The following HECW2 variants were observed in gnomAD, a reference collection of about 807,000 sequenced individuals.
HECW2 encodes the protein E3 ubiquitin-protein ligase HECW2.
Under a neutral mutation model 175.2 loss-of-function variants are expected in HECW2, and 61 were observed. The observed-to-expected ratio is 0.35, with a 90% confidence interval of 0.28 to 0.43. The LOEUF (loss-of-function observed/expected upper bound fraction) is 0.43. Ranked by LOEUF, HECW2 falls within the 20% of genes least tolerant of loss-of-function variation. The pLI is 1.00. For synonymous variants in HECW2, 671 were observed against 731.0 expected (o/e 0.92, Z 1.32); for missense variants, 1,524 against 2,000.5 (o/e 0.76, Z 4.54).
intron 1 of HECW2, among the ~76,000 whole-genome samples, chr2:196,558,723 T>C (rs185875930): frequency 6.6e-6 from 1 of 152,358 alleles, no homozygotes; most frequent in African/African-American, 2.4e-5. Context: ...ATCTGCCAGG[T>C]TGACAGCATT....
intron 2 of HECW2, among the ~76,000 whole-genome samples, chr2:196,395,568 A>G (rs1240539163): frequency 1.3e-5 from 2 of 152,138 alleles, no homozygotes; most frequent in East Asian, 3.9e-4. Flanking sequence ...CTTAATAGAC[A>G]TTTCTCCAAA....
chr2:196,198,808 G>T lies in HECW2; in HGVS notation c.*2469C>A, dbSNP rs1049909160. ...TTATATAGTTATTACTGGCTGTTTTGTTTTACTAAGAAAGAATAATAGATA... is the reference window on the plus strand; with the variant it reads ...TTATATAGTTATTACTGGCTGTTTTTTTTTACTAAGAAAGAATAATAGATA... On this transcript the variant is annotated 3_prime_UTR_variant, in exon 29 of 29. Coordinates refer to ENST00000644978, the MANE Select transcript of HECW2 (RefSeq NM_001348768.2). 2.0e-5 allele frequency: 3 copies of T among 152,084 alleles called. No homozygotes were observed. The highest frequency in any genetic ancestry group is 4.4e-5 in the Non-Finnish European group (3 of 68,012). The allele number at this position is 152,084 out of a possible 1,614,324, so 9.4% of individuals were successfully genotyped here. A position where few individuals can be genotyped will look rare whatever the true frequency, so the allele number is the denominator to read the frequency against.
At chr2:196,312,074 TC>T (rs938526618) in intron 10 of HECW2, among the ~76,000 whole-genome samples, 8 of 152,160 alleles carry the variant, frequency 5.3e-5, no homozygotes, top group Non-Finnish European at 8.8e-5. Flanking sequence ...CAGGGTTGTT[TC>T]TGTGATCCCT....
intron 1 of HECW2, among the ~76,000 whole-genome samples, chr2:196,527,690 A>G (rs1490762085): frequency 2.0e-5 from 3 of 152,240 alleles, no homozygotes; most frequent in Admixed American, 6.5e-5. Flanking sequence ...ACAGAATACT[A>G]TATCTGCATG....
chr2:196,326,923 C>T (rs1692175705), intron 5 of HECW2, among the ~76,000 whole-genome samples: 1 of 152,184 alleles, frequency 6.6e-6, no homozygotes, highest in South Asian at 2.1e-4. Flanking sequence ...TTGCATCTTA[C>T]TGTCAGTTTA....
chr2:196,445,132 C>A (rs576791523), intron 1 of HECW2, among the ~76,000 whole-genome samples: 25 of 152,278 alleles, frequency 1.6e-4, no homozygotes, highest in Non-Finnish European at 2.5e-4. Context: ...CTTCACAGTG[C>A]CTCATATTCT....
At chr2:196,451,365 G>A (rs559643637) in intron 1 of HECW2, among the ~76,000 whole-genome samples, 4 of 151,056 alleles carry the variant, frequency 2.6e-5, no homozygotes, top group African/African-American at 7.3e-5. Context: ...ACTGGGAAGC[G>A]GAGGTTGCAG....
chr2:196,563,890 A>G (rs1690091989), intron 1 of HECW2, among the ~76,000 whole-genome samples: 1 of 152,198 alleles, frequency 6.6e-6, no homozygotes, highest in South Asian at 2.1e-4. Flanking sequence ...TAATTCAGGC[A>G]AGAATCACCT....
In HECW2 at chr2:196,194,681, T is replaced by G. The variant is rs1188475054; in HGVS notation, c.*6596A>C. 1 of 152,028 alleles carries G rather than the reference T, an allele frequency of 6.6e-6. No individual in the cohort carries two copies. The highest frequency in any genetic ancestry group is 1.5e-5 in the Non-Finnish European group (1 of 67,990). 9.4% of individuals were successfully genotyped at this position (152,028 alleles called of 1,614,324 possible). ...TTTACTTTGAAAAAAAAATTACATATAAGGTGAAGTGAGAGCTGTATAACC... is the reference window on the plus strand; with the variant it reads ...TTTACTTTGAAAAAAAAATTACATAGAAGGTGAAGTGAGAGCTGTATAACC... On this transcript the variant is annotated 3_prime_UTR_variant, in exon 29 of 29. Coordinates refer to ENST00000644978, the MANE Select transcript of HECW2 (RefSeq NM_001348768.2).
At chr2:196,484,820 A>C (rs1330880150) in intron 1 of HECW2, among the ~76,000 whole-genome samples, 1 of 152,246 alleles carries the variant, frequency 6.6e-6, no homozygotes, top group Non-Finnish European at 1.5e-5. Context: ...ATGTACAGGC[A>C]GGACTTTCAA....
intron 2 of HECW2, among the ~76,000 whole-genome samples, chr2:196,404,244 T>C (rs752207465): frequency 1.1e-4 from 17 of 152,188 alleles, no homozygotes; most frequent in Non-Finnish European, 1.3e-4. Context: ...TGAACTTTAA[T>C]AGTTAAAAAG....
intron 13 of HECW2, among the ~76,000 whole-genome samples, chr2:196,295,731 G>T (rs1382379654): frequency 1.3e-5 from 2 of 152,162 alleles, no homozygotes; most frequent in African/African-American, 2.4e-5. Flanking sequence ...AGAAGCAGTG[G>T]CAATTAAGTT....
intron 1 of HECW2, among the ~76,000 whole-genome samples, chr2:196,492,926 T>G (rs1440509735): frequency 6.6e-6 from 1 of 152,234 alleles, no homozygotes; most frequent in Non-Finnish European, 1.5e-5. Context: ...AACAGAGATG[T>G]TAACTTTAAT....
intron 10 of HECW2, among the ~76,000 whole-genome samples, chr2:196,312,985 C>T (rs1691554637): frequency 6.6e-6 from 1 of 152,064 alleles, no homozygotes; most frequent in Admixed American, 6.5e-5. Flanking sequence ...GATAAATGTT[C>T]CCCCATAGTT....
rs996427703 is a variant in HECW2, at chr2:196,543,652, G to A, written c.-36+49856C>T. On this transcript the variant is annotated intron_variant, in intron 1 of 28. Coordinates refer to ENST00000644978, the MANE Select transcript of HECW2 (RefSeq NM_001348768.2). Reference sequence around the variant, plus strand: ...TTTTGAGATGGAGTCTCGCTCTGTCGCCCACGCTGGAATGCAGTAGCGCAA... The same window carrying A: ...TTTTGAGATGGAGTCTCGCTCTGTCACCCACGCTGGAATGCAGTAGCGCAA... Among the ~76,000 whole-genome samples the A allele has an allele frequency of 6.0e-5, 9 of 151,168 alleles. No homozygotes were observed. In the South Asian group the frequency reaches 8.4e-4, roughly 14 times the overall value.
intron 13 of HECW2, among the ~76,000 whole-genome samples, chr2:196,296,478 A>G (rs1690818625): frequency 2.6e-5 from 4 of 152,222 alleles, no homozygotes; most frequent in Non-Finnish European, 5.9e-5. Flanking sequence ...CTGTGTTATA[A>G]CAGATAAAGA....
rs1686766849 is a variant in HECW2, at chr2:196,198,756, T to C, written c.*2521A>G. 6.6e-6 allele frequency: 1 copy of C among 152,234 alleles called. No individual in the cohort carries two copies. The highest frequency in any genetic ancestry group is 1.5e-5 in the Non-Finnish European group (1 of 68,030). 9.4% of individuals were successfully genotyped at this position (152,234 alleles called of 1,614,324 possible). A position where few individuals can be genotyped will look rare whatever the true frequency, so the allele number is the denominator to read the frequency against. ...TTGTAGAGTACATGAAAGTCTAATTTATTCTGTGGAAATGTTATTTAATAT... is the reference window on the plus strand; with the variant it reads ...TTGTAGAGTACATGAAAGTCTAATTCATTCTGTGGAAATGTTATTTAATAT... On this transcript the variant is annotated 3_prime_UTR_variant, in exon 29 of 29. Coordinates refer to ENST00000644978, the MANE Select transcript of HECW2 (RefSeq NM_001348768.2).
chr2:196,455,223 G>A (rs997349358), intron 1 of HECW2, among the ~76,000 whole-genome samples: 5 of 152,016 alleles, frequency 3.3e-5, no homozygotes, highest in African/African-American at 1.2e-4. Flanking sequence ...TAGTTGAGAT[G>A]GGGTTTCACC....
At chr2:196,461,432 C>T (rs914378513) in intron 1 of HECW2, among the ~76,000 whole-genome samples, 1 of 152,208 alleles carries the variant, frequency 6.6e-6, no homozygotes, top group East Asian at 1.9e-4. Flanking sequence ...ATGGCACAAA[C>T]ACTTTGGAAA....
Sources: gnomAD v4.1 joint callset for allele counts (sites outside exome capture counted in the v4.1 genomes callset) on GRCh38, gnomAD v4.1.1 for gene constraint, MANE v1.5 for transcripts, NCBI Gene and HGNC (gene_info 2026-07-23, HGNC 2026-07-21) for gene names.